CCDC18: variants seen among roughly 807,000 people sequenced by gnomAD.
The protein encoded by CCDC18 is coiled-coil domain containing 18, also known as coiled-coil domain-containing protein 18.
A neutral mutation model predicts 196.0 loss-of-function variants in CCDC18; 157 were observed. The observed-to-expected ratio is 0.80, with a 90% CI of 0.70 to 0.91. CCDC18 has a LOEUF of 0.91. Ranked by LOEUF, CCDC18 falls within the 40% of genes least tolerant of loss-of-function variation. CCDC18 has a pLI of 0.00. For synonymous variants in CCDC18, 482 were observed against 529.2 expected (o/e 0.91, Z 1.22); for missense variants, 1,465 against 1,611.6 (o/e 0.91, Z 1.56).
At position 93,256,436 on chromosome 1, in the gene CCDC18, T is replaced by C. The variant is rs1662970002; in HGVS notation, c.3444T>C (p.His1148=). 6.2e-7 allele frequency: 1 copy of C among 1,613,942 alleles called. No individual in the cohort carries two copies. The highest frequency in any genetic ancestry group is 1.7e-5 in the Admixed American group (1 of 59,988). Residue 1148 remains histidine, a synonymous_variant, in exon 25 of 29, where the codon CAT becomes CAC. Transcript: ENST00000690025. Reference sequence around the variant, plus strand: ...CCCGGGAGCAGGTGCAGAACTCTCATACAGAATTGGCAGAGGCTCGTCATC... The same window carrying C: ...CCCGGGAGCAGGTGCAGAACTCTCACACAGAATTGGCAGAGGCTCGTCATC... ...RLTREQVQNS[H]TELAEARHQQ...
chr1:93,205,485 A>G (rs751330100), intron 7 of CCDC18, 25 bp from the exon 8 acceptor site: 1 of 1,560,220 alleles, frequency 6.4e-7, no homozygotes, highest in Non-Finnish European at 8.7e-7. Flanking sequence ...CCACATTAGT[A>G]TGTCCACTTA....
chr1:93,252,637 C>T (rs1662416899), intron 23 of CCDC18, among the ~76,000 whole-genome samples: 1 of 152,140 alleles, frequency 6.6e-6, no homozygotes, highest in Non-Finnish European at 1.5e-5. Context: ...TAATATTGTT[C>T]ATTTGGTAAG....
rs772607138 is a variant in CCDC18 at position 93,214,907 on chromosome 1, C to G, written c.1660C>G (p.Gln554Glu). 6.2e-7 allele frequency: 1 copy of G among 1,612,394 alleles called. No homozygotes were observed. The highest frequency in any genetic ancestry group is 1.7e-5 in the Admixed American group (1 of 59,852). The change falls in exon 12 of 29, where the codon CAG (glutamine) becomes GAG (glutamate). Residue 554 changes from glutamine to glutamate, a missense_variant. Transcript: ENST00000690025. ...VNMAHRTSQFQLIQEELLEKA... is the reference protein window; with the variant it reads ...VNMAHRTSQFELIQEELLEKA... ...CATGGCTCACAGAACTAGTCAGTTT[C>G]AGCTGATTCAAGAGGAGCTGCTAGA...
intron 11 of CCDC18, among the ~76,000 whole-genome samples, chr1:93,213,130 G>A (rs1655930334): frequency 6.6e-6 from 1 of 152,108 alleles, no homozygotes; most frequent in Admixed American, 6.5e-5. Flanking sequence ...GGGAGTGGGT[G>A]TAACTACAGA....
rs1294526687 is a variant in CCDC18, at chr1:93,186,401, A to G, written c.360A>G (p.Leu120=). 1.2e-6 allele frequency: 2 copies of G among 1,612,504 alleles called. No homozygotes were observed. The highest frequency in any genetic ancestry group is 1.7e-6 in the Non-Finnish European group (2 of 1,178,944). Residue 120 remains leucine, a synonymous_variant, in exon 4 of 29, where the codon CTA becomes CTG. Transcript: ENST00000690025. ...AGATTAAAAGCCTTCGAGAGAAACT[A>G]AATAAACTTAGGCAACAGAATGCTT... ...DQEIKSLREK[L]NKLRQQNACL... is the part of the protein sequence containing the mutation.
Position 93,256,395 on chromosome 1 carries a change from C to A in CCDC18, c.3403C>A (p.Gln1135Lys), listed in dbSNP as rs1257515626. Residue 1135 changes from glutamine (Q) to lysine (K), a missense_variant, in exon 25 of 29, where the codon CAA (glutamine) becomes AAA (lysine). By Grantham distance (53) the Gln-to-Lys change is moderately conservative. Coordinates refer to ENST00000690025, the MANE Select transcript of CCDC18 (RefSeq NM_001378204.1). ...GTACAAGGAGGCCATAGATTTGGGGCAAGAATTGAGGCTGACCCGGGAGCA... is the reference window on the plus strand; with the variant it reads ...GTACAAGGAGGCCATAGATTTGGGGAAAGAATTGAGGCTGACCCGGGAGCA... ...TQYKEAIDLG[Q>K]ELRLTREQVQ... 6.2e-7 allele frequency: 1 copy of A among 1,613,970 alleles called. No homozygotes were observed. Among genetic ancestry groups the A allele is most frequent in the Non-Finnish European group, 8.5e-7 (1 of 1,179,956 alleles).
chr1:93,223,904 C>CAT (rs1477786030), intron 16 of CCDC18, among the ~76,000 whole-genome samples: 10 of 25,542 alleles, frequency 3.9e-4, no homozygotes, highest in African/African-American at 2.2e-3. Flanking sequence ...TATTTATACA[C>CAT]ACACACACAC....
At chr1:93,253,456 GCAA>G (rs1176891730) in intron 23 of CCDC18, among the ~76,000 whole-genome samples, 1 of 152,100 alleles carries the variant, frequency 6.6e-6, no homozygotes, top group East Asian at 1.9e-4. Flanking sequence ...CCTGATTGCA[GCAA>G]GAGAGTCGGG....
In CCDC18 at chr1:93,216,716, A is replaced by C; in HGVS notation, c.1800A>C (p.Ala600=). The change falls in exon 13 of 29, where the codon GCA becomes GCC. Residue 600 remains alanine (A), a synonymous_variant. Transcript: ENST00000690025. ...TAGTTGCTTATTCCTCTATTGCTGC[A>C]AAAAATGCAGAACTAGAACAGGAGC... is the stretch of plus-strand genomic sequence containing the variant. ...EKIVAYSSIA[A]KNAELEQELM... 1 of 1,584,346 alleles carries C rather than the reference A, an allele frequency of 6.3e-7. No homozygotes were observed. The highest frequency in any genetic ancestry group is 2.3e-5 in the East Asian group (1 of 43,522).
chr1:93,243,476 G>A (rs1046921050), intron 21 of CCDC18, among the ~76,000 whole-genome samples: 2 of 152,242 alleles, frequency 1.3e-5, no homozygotes, highest in African/African-American at 4.8e-5. Context: ...TGTGATGGGA[G>A]AGGCTGCTCC....
chr1:93,278,005 A>G (rs1263814628), intron 28 of CCDC18, among the ~76,000 whole-genome samples: 5 of 151,506 alleles, frequency 3.3e-5, no homozygotes. Flanking sequence ...TATTTTTTTG[A>G]GATGGAGTTA....
Position 93,186,506 on chromosome 1 carries a change from A to G in CCDC18, c.462+3A>G. The G allele has an allele frequency of 6.3e-7, 1 of 1,579,024 alleles. No individual in the cohort carries two copies. Among genetic ancestry groups the G allele is most frequent in the Non-Finnish European group, 8.6e-7 (1 of 1,163,220 alleles). Reference sequence around the variant, plus strand: ...AATTAACACAGTCAAGAGCAAAAGTATGTATCTTGAAATAAGTTTGCCAAC... The same window carrying G: ...AATTAACACAGTCAAGAGCAAAAGTGTGTATCTTGAAATAAGTTTGCCAAC... On this transcript the variant is annotated splice_donor_region_variant and intron_variant, in intron 4 of 28. Transcript: ENST00000690025.
chr1:93,240,685 A>G (rs1256121063), intron 21 of CCDC18, among the ~76,000 whole-genome samples: 2 of 152,192 alleles, frequency 1.3e-5, no homozygotes, highest in Non-Finnish European at 1.5e-5. Flanking sequence ...TTTAAATACT[A>G]TGTGTCAGAC....
chr1:93,180,729 G>C lies in CCDC18; in HGVS notation c.-126G>C, dbSNP rs552970629. 7.3e-6 allele frequency: 10 copies of C among 1,364,460 alleles called. No individual in the cohort carries two copies. The highest frequency in any genetic ancestry group is 1.1e-5 in the South Asian group (1 of 87,956). 84.5% of individuals were successfully genotyped at this position (1,364,460 alleles called of 1,614,324 possible). On this transcript the variant is annotated 5_prime_UTR_variant, in exon 1 of 29. Coordinates refer to ENST00000690025, the MANE Select transcript of CCDC18 (RefSeq NM_001378204.1). ...GTCCCAACGGCTCCCGCGGCGGTTC[G>C]AATTCTGTGCTGCCGGGGTTCGCTG...
chr1:93,234,246 C>CT (rs1557667418), intron 18 of CCDC18, among the ~76,000 whole-genome samples: 3 of 152,086 alleles, frequency 2.0e-5, no homozygotes, highest in African/African-American at 7.2e-5. Flanking sequence ...ACTGCAACCT[C>CT]TGTCTCCCAG....
At chr1:93,239,927 G>A (rs1335705816) in intron 21 of CCDC18, 31 bp downstream of exon 21, 1 of 1,341,380 alleles carries the variant, frequency 7.5e-7, no homozygotes, top group Non-Finnish European at 1.1e-6. Flanking sequence ...TTATATCACA[G>A]TTATAAGTCC....
chr1:93,193,860 T>C (rs1652268327), intron 6 of CCDC18, 116 bp downstream of exon 6: 1 of 695,260 alleles, frequency 1.4e-6, no homozygotes, highest in Admixed American at 3.8e-5. Flanking sequence ...GGCAATAAAT[T>C]AACTTAATGT....
At position 93,226,318 on chromosome 1, in the gene CCDC18, T is replaced by G. The variant is rs779664669; in HGVS notation, c.2176-15T>G. 8.6e-7 allele frequency: 1 copy of G among 1,159,958 alleles called. No individual in the cohort carries two copies. 71.9% of individuals were successfully genotyped at this position (1,159,958 alleles called of 1,614,324 possible). A position where few individuals can be genotyped will look rare whatever the true frequency, so the allele number is the denominator to read the frequency against. Reference sequence around the variant, plus strand: ...TTTGTGTTTTTTTTTTTTTTTTGCTTTTTTTCCTGCTTAGGTTAGGCAACT... The same window carrying G: ...TTTGTGTTTTTTTTTTTTTTTTGCTGTTTTTCCTGCTTAGGTTAGGCAACT... On this transcript the variant is annotated splice_polypyrimidine_tract_variant and intron_variant, in intron 16 of 28. Coordinates refer to ENST00000690025, the MANE Select transcript of CCDC18 (RefSeq NM_001378204.1).
intron 27 of CCDC18, among the ~76,000 whole-genome samples, chr1:93,265,308 A>C (rs1223218061): frequency 1.3e-5 from 2 of 152,158 alleles, no homozygotes; most frequent in East Asian, 3.8e-4. Context: ...GGGCAAAGAC[A>C]ATTTTTTGAG....
Sources: gnomAD v4.1 joint callset for allele counts (sites outside exome capture counted in the v4.1 genomes callset) on GRCh38, gnomAD v4.1.1 for gene constraint, MANE v1.5 for transcripts, NCBI Gene and HGNC (gene_info 2026-07-23, HGNC 2026-07-21) for gene names.